CCDC171: variants seen among roughly 807,000 people sequenced by gnomAD.
CCDC171 encodes the protein coiled-coil domain containing 171.
CCDC171 carries 177 observed loss-of-function variants against 168.2 expected under a neutral mutation model. The observed-to-expected ratio is 1.05, with a 90% CI of 0.93 to 1.19. The LOEUF (loss-of-function observed/expected upper bound fraction) is 1.19, where lower values mean the gene tolerates loss of function less well. Ranked by LOEUF, CCDC171 falls within the 50% of genes most tolerant of loss-of-function variation. The pLI, the probability that CCDC171 is intolerant of heterozygous loss-of-function variation, is 0.00. For missense variants in CCDC171, 1,991 were observed against 1,539.0 expected (o/e 1.29, Z -4.91); for synonymous variants, 687 against 540.8 (o/e 1.27, Z -3.75).
intron 3 of CCDC171, among the ~76,000 whole-genome samples, chr9:16,010,176 G>T (rs1252151976): frequency 6.6e-6 from 1 of 152,138 alleles, no homozygotes; most frequent in African/African-American, 2.4e-5. Context: ...ACTTTGTGGA[G>T]GGGAGGTTTT....
chr9:15,791,757 G>A (rs2058278508), intron 21 of CCDC171, among the ~76,000 whole-genome samples: 1 of 152,174 alleles, frequency 6.6e-6, no homozygotes, highest in Non-Finnish European at 1.5e-5. Context: ...ACCTGCAGCT[G>A]AGGGTCCTGA....
rs1332623314 is a variant in CCDC171 at position 15,574,725 on chromosome 9, A to C, written c.177+2966A>C. ...AAACTAAGGCCATATTTGCCTTATC[A>C]GGTATTCCTAATGCGAACACAAATG... On this transcript the variant is annotated intron_variant, in intron 3 of 25. Transcript: ENST00000380701. Among the ~76,000 whole-genome samples the C allele has an allele frequency of 2.0e-5, 3 of 152,372 alleles. No individual in the cohort carries two copies. The South Asian group carries it at 6.2e-4, about 32-fold the overall frequency.
At chr9:15,849,745 G>T (rs149634140) in intron 23 of CCDC171, among the ~76,000 whole-genome samples, 3,290 of 151,744 alleles carry the variant, frequency 0.022, 50 homozygotes, top group Middle Eastern at 0.058. Context: ...ATCACATTTA[G>T]AATAACCTTG....
At chr9:15,813,199 T>C (rs140523576) in intron 21 of CCDC171, among the ~76,000 whole-genome samples, 1 of 152,358 alleles carries the variant, frequency 6.6e-6, no homozygotes, top group Non-Finnish European at 1.5e-5. Context: ...TGTTTCTTAC[T>C]TAAATATTGG....
In CCDC171 at chr9:15,642,009, C is replaced by T. The variant is rs146051239; in HGVS notation, c.823-15118C>T. 2.0e-4 allele frequency among the ~76,000 whole-genome samples: 31 copies of T among 152,070 alleles called. No homozygotes were observed. The East Asian group carries it at 5.4e-3, about 27-fold the overall frequency. On this transcript the variant is annotated intron_variant, in intron 7 of 25. Transcript: ENST00000380701. ...TGAAACCCCATCTCTACCAAAAATA[C>T]AAAAAGTAGCTGGTCATGGTGGTGT...
chr9:15,666,575 G>T (rs2048749803), intron 9 of CCDC171, among the ~76,000 whole-genome samples: 1 of 152,142 alleles, frequency 6.6e-6, no homozygotes, highest in African/African-American at 2.4e-5. Flanking sequence ...ATACATTAAT[G>T]TAGTTTGTAT....
intron 7 of CCDC171, among the ~76,000 whole-genome samples, chr9:15,623,694 T>C (rs2044774104): frequency 6.6e-6 from 1 of 152,168 alleles, no homozygotes; most frequent in South Asian, 2.1e-4. Flanking sequence ...TCATGGAATA[T>C]TTGGGAAGTT....
At chr9:15,746,821 G>C (rs1459279262) in intron 18 of CCDC171, among the ~76,000 whole-genome samples, 2 of 152,210 alleles carry the variant, frequency 1.3e-5, no homozygotes, top group Non-Finnish European at 2.9e-5. Flanking sequence ...GAAGCACAAG[G>C]GGTCAGGGGA....
the CCDC171 span, among the ~76,000 whole-genome samples, chr9:16,084,581 A>G: frequency 1.1e-4 from 16 of 152,178 alleles, no homozygotes; most frequent in African/African-American, 2.9e-4. Flanking sequence ...AAAGTATACT[A>G]TTTGAACCCA....
Position 16,057,632 on chromosome 9 carries a change from T to A in CCDC171, n.90-3014T>A, listed in dbSNP as rs562158226. On this transcript the variant is annotated intron_variant and non_coding_transcript_variant, in intron 1 of 1. Transcript: ENST00000478913. ...GTCCAAAACCCTTGTCCCTTGTCTC[T>A]TCATGTGACCTGCCACTGGGTCCCC... Among the ~76,000 whole-genome samples, 26 of 152,324 alleles carry A rather than the reference T, an allele frequency of 1.7e-4. No individual in the cohort carries two copies. In the South Asian group the frequency reaches 5.2e-3, roughly 30 times the overall value.
chr9:16,052,809 C>T (rs1195255144), intron 1 of CCDC171, among the ~76,000 whole-genome samples: 1 of 151,052 alleles, frequency 6.6e-6, no homozygotes, highest in Non-Finnish European at 1.5e-5. Context: ...CCCCCCATTA[C>T]ACTTTGAGAA....
chr9:16,107,244 G>A, the CCDC171 span, among the ~76,000 whole-genome samples: 1 of 151,982 alleles, frequency 6.6e-6, no homozygotes, highest in South Asian at 2.1e-4. Flanking sequence ...TAAATTCCTG[G>A]GCTCAAGCGA....
At chr9:15,850,210 G>A (rs2061068791) in intron 23 of CCDC171, 1 of 151,888 alleles carries the variant, frequency 6.6e-6, no homozygotes, top group Admixed American at 6.6e-5. Flanking sequence ...TTGAAATCCA[G>A]TTGGTTTTTC....
rs544937673 is a variant in CCDC171 at position 15,808,972 on chromosome 9, T to G, written c.3267+24278T>G. 3.3e-5 allele frequency among the ~76,000 whole-genome samples: 5 copies of G among 152,220 alleles called. No homozygotes were observed. In the South Asian group the frequency reaches 1.0e-3, roughly 32 times the overall value. On this transcript the variant is annotated intron_variant, in intron 21 of 25. Coordinates refer to ENST00000380701, the MANE Select transcript of CCDC171 (RefSeq NM_173550.4). ...GGCACCTTCTTGCTGTGTCTTCACA[T>G]GGTGGAAAGCGGCAAGGCAGCTCTA...
At chr9:16,030,324 G>T (rs1445962284) in intron 6 of CCDC171, among the ~76,000 whole-genome samples, 1 of 152,122 alleles carries the variant, frequency 6.6e-6, no homozygotes, top group Admixed American at 6.5e-5. Flanking sequence ...ACCTCTGTGT[G>T]TTTTATATGA....
chr9:15,567,783 A>G (rs1191695085), intron 2 of CCDC171, among the ~76,000 whole-genome samples: 1 of 151,788 alleles, frequency 6.6e-6, no homozygotes, highest in Non-Finnish European at 1.5e-5. Flanking sequence ...CCTCCTTAGT[A>G]GCTAGGACTA....
intron 4 of CCDC171, among the ~76,000 whole-genome samples, chr9:15,579,732 G>A (rs2040965672): frequency 6.6e-6 from 1 of 152,070 alleles, no homozygotes; most frequent in African/African-American, 2.4e-5. Context: ...GAATCATAAA[G>A]TATATATTCT....
chr9:15,992,123 CA>C lies in CCDC171; in HGVS notation n.369-28458del, dbSNP rs962138945. Among the ~76,000 whole-genome samples, 6 of 151,556 alleles carry C rather than the reference CA, an allele frequency of 4.0e-5. No homozygotes were observed. In the East Asian group the frequency reaches 7.7e-4, roughly 19 times the overall value. Reference sequence around the variant, plus strand: ...ATACCAAAGCCTGGCAGAGACACAACAAAAAAAAGAGAATTTTAGACCAATA... The same window carrying C: ...ATACCAAAGCCTGGCAGAGACACAACAAAAAAAGAGAATTTTAGACCAATA... On this transcript the variant is annotated intron_variant and non_coding_transcript_variant, in intron 3 of 9. Transcript: ENST00000486641.
intron 7 of CCDC171, among the ~76,000 whole-genome samples, chr9:15,639,391 G>T (rs1045341345): frequency 6.6e-6 from 1 of 151,868 alleles, no homozygotes; most frequent in Non-Finnish European, 1.5e-5. Flanking sequence ...TGCCAGAAAA[G>T]GTAGAGATAA....
Sources: allele counts gnomAD v4.1 joint callset (sites outside exome capture counted in the v4.1 genomes callset), GRCh38; gene constraint gnomAD v4.1.1; transcripts MANE v1.5; gene names NCBI Gene and HGNC (gene_info 2026-07-23, HGNC 2026-07-21).